The following CHRNA6 variants were observed in gnomAD, a reference collection of about 807,000 sequenced individuals.
The protein encoded by CHRNA6 is neuronal acetylcholine receptor subunit alpha-6.
In CHRNA6, 31 loss-of-function variants were observed where a neutral mutation model predicts 40.9. The observed-to-expected ratio is 0.76, with a 90% CI of 0.57 to 1.02. The LOEUF is 1.02. CHRNA6 is among the 50% of genes least tolerant of loss of function. CHRNA6 has a pLI of 0.00. For synonymous variants in CHRNA6, 222 were observed against 221.3 expected, an observed-to-expected ratio of 1.00 and a Z score of -0.03; for missense variants, 546 against 596.6, an observed-to-expected ratio of 0.92 and a Z score of 0.88.
At chr8:42,764,026 C>G (rs776375298) in intron 2 of CHRNA6, among the ~76,000 whole-genome samples, 1 of 152,140 alleles carries the variant, frequency 6.6e-6, no homozygotes, top group Non-Finnish European at 1.5e-5. Context: ...GTCCTGTAGT[C>G]TCAGGAATGC....
In CHRNA6 at chr8:42,760,433, C is replaced by T. The variant is rs531733441; in HGVS notation, c.220-1320G>A. Among the ~76,000 whole-genome samples, 183 of 150,996 alleles carry T rather than the reference C, an allele frequency of 1.2e-3. 1 individual carries two copies. Among genetic ancestry groups the T allele is most frequent in the Non-Finnish European group, 1.9e-3 (131 of 67,510 alleles). Reference sequence around the variant, plus strand: ...ACTCTTATACGTATACTCTCATACACACACTCGTACGTGTGCACTCACACT... The same window carrying T: ...ACTCTTATACGTATACTCTCATACATACACTCGTACGTGTGCACTCACACT... On this transcript the variant is annotated intron_variant, in intron 2 of 5. Coordinates refer to ENST00000276410, the MANE Select transcript of CHRNA6 (RefSeq NM_004198.3).
chr8:42,762,115 G>T (rs371540304), intron 2 of CHRNA6, among the ~76,000 whole-genome samples: 1 of 152,160 alleles, frequency 6.6e-6, no homozygotes, highest in African/African-American at 2.4e-5. Flanking sequence ...ATCAGACAGC[G>T]GGCCTTTTCC....
At chr8:42,764,481 C>T (rs1415637418) in intron 2 of CHRNA6, among the ~76,000 whole-genome samples, 1 of 152,106 alleles carries the variant, frequency 6.6e-6, no homozygotes, top group Non-Finnish European at 1.5e-5. Flanking sequence ...GCATGTGCCA[C>T]TACACCTGGC....
chr8:42,765,133 G>T lies in CHRNA6; in HGVS notation c.151C>A (p.Pro51Thr), dbSNP rs969485351. ...ACAGGGTCGGAAACGTTTTCCACAG[G>T]CCTGATGAACTGGTTGTAATGAGAA... The part of the protein sequence containing the change: ...LFSHYNQFIR[P>T]VENVSDPVTV... Residue 51 changes from proline to threonine, a missense_variant, in exon 2 of 6, where the codon CCT becomes ACT. Coordinates refer to ENST00000276410, the MANE Select transcript of CHRNA6 (RefSeq NM_004198.3). The T allele has an allele frequency of 4.3e-6, 7 of 1,614,114 alleles. No individual in the cohort carries two copies. Among genetic ancestry groups the T allele is most frequent in the Non-Finnish European group, 5.9e-6 (7 of 1,179,958 alleles).
At chr8:42,759,312 T>G (rs1816859988) in intron 2 of CHRNA6, 199 bp from the exon 3 acceptor site, 2 of 559,834 alleles carry the variant, frequency 3.6e-6, no homozygotes, top group African/African-American at 3.8e-5. Context: ...CTGTGGATTT[T>G]GAGAGGCAAT....
chr8:42,760,189 A>G (rs1168603285), intron 2 of CHRNA6, among the ~76,000 whole-genome samples: 1 of 152,316 alleles, frequency 6.6e-6, no homozygotes, highest in East Asian at 1.9e-4. Context: ...GGAATGGTCC[A>G]TGTGTGGACA....
intron 3 of CHRNA6, among the ~76,000 whole-genome samples, chr8:42,758,121 T>C (rs1005876384): frequency 7.2e-5 from 11 of 152,160 alleles, no homozygotes; most frequent in Non-Finnish European, 1.5e-5. Flanking sequence ...ATCTGGACAA[T>C]TATATCCATG....
At chr8:42,767,842 G>C (rs1343339945) in intron 1 of CHRNA6, among the ~76,000 whole-genome samples, 1 of 152,182 alleles carries the variant, frequency 6.6e-6, no homozygotes, top group African/African-American at 2.4e-5. Context: ...ATGTGATTTT[G>C]TTCAGCAGAA....
In CHRNA6 at chr8:42,768,619, C is replaced by T. The variant is rs1817004040; in HGVS notation, c.-189G>A. The T allele has an allele frequency of 2.0e-6, 1 of 495,336 alleles. No homozygotes were observed. The highest frequency in any genetic ancestry group is 3.4e-5 in the Admixed American group (1 of 29,724). 30.7% of individuals were successfully genotyped at this position (495,336 alleles called of 1,614,324 possible). On this transcript the variant is annotated 5_prime_UTR_variant, in exon 1 of 6. An upstream start codon of the reference 5' UTR is lost. Coordinates refer to ENST00000276410, the MANE Select transcript of CHRNA6 (RefSeq NM_004198.3). ...TACCAGGATCAGAGACTGAGGCAGA[C>T]ATGAAGGGCGAATAAAAAAGATTCG...
In CHRNA6 at chr8:42,756,455, G is replaced by T; in HGVS notation, c.744C>A (p.Ile248=). The change falls in exon 5 of 6, where the codon ATC becomes ATA. Residue 248 remains isoleucine (I), a synonymous_variant. Transcript: ENST00000276410. The part of the protein sequence containing the change: ...RLPMFYTINL[I]IPCLFISFLT... ...GAAATGAAATAAAGAGACAAGGGAT[G>T]ATCAGATTAATCGTGTAAAACATCG... 1 of 1,614,226 alleles carries T rather than the reference G, an allele frequency of 6.2e-7. No homozygotes were observed. The highest frequency in any genetic ancestry group is 8.5e-7 in the Non-Finnish European group (1 of 1,180,050).
At chr8:42,755,479 G>C (rs1323620569) in intron 5 of CHRNA6, among the ~76,000 whole-genome samples, 1 of 152,160 alleles carries the variant, frequency 6.6e-6, no homozygotes, top group African/African-American at 2.4e-5. Flanking sequence ...GTTTCCCCAT[G>C]TTGGCCATGC....
chr8:42,753,030 T>C lies in CHRNA6; in HGVS notation c.*149A>G. ...CACTGGAGGATATTCTGCTTCCTAA[T>C]GTGCAAGAAAGTCCTCTTTTTCCAT... On this transcript the variant is annotated 3_prime_UTR_variant, in exon 6 of 6. Transcript: ENST00000276410. 1.5e-6 allele frequency: 1 copy of C among 647,634 alleles called. No individual in the cohort carries two copies. The highest frequency in any genetic ancestry group is 2.6e-6 in the Non-Finnish European group (1 of 386,292). The allele number at this position is 647,634 out of a possible 1,614,324, so 40.1% of individuals were successfully genotyped here.
chr8:42,753,172 A>C lies in CHRNA6; in HGVS notation c.*7T>G, dbSNP rs759490347. Reference sequence around the variant, plus strand: ...TGTAAATTTCTGAACATAAAAGAAAATACATTTTAAGATTTTCCTGTGTTC... The same window carrying C: ...TGTAAATTTCTGAACATAAAAGAAACTACATTTTAAGATTTTCCTGTGTTC... On this transcript the variant is annotated 3_prime_UTR_variant, in exon 6 of 6. Transcript: ENST00000276410. The C allele has an allele frequency of 1.3e-6, 2 of 1,589,020 alleles. No homozygotes were observed. Among genetic ancestry groups the C allele is most frequent in the African/African-American group, 2.7e-5 (2 of 73,152 alleles).
chr8:42,760,448 G>A (rs966704367), intron 2 of CHRNA6, among the ~76,000 whole-genome samples: 1 of 143,356 alleles, frequency 7.0e-6, no homozygotes, highest in Non-Finnish European at 1.6e-5. Context: ...TCGTACGTGT[G>A]CACTCACACT....
At chr8:42,764,931 G>A in intron 2 of CHRNA6, 134 bp downstream of exon 2, 4 of 926,856 alleles carry the variant, frequency 4.3e-6, no homozygotes, top group Non-Finnish European at 6.4e-6. Context: ...AAAACTGCCT[G>A]CCTCCCAAAT....
intron 2 of CHRNA6, 26 bp from the exon 3 acceptor site, chr8:42,759,139 G>A: frequency 6.2e-7 from 1 of 1,600,066 alleles, no homozygotes; most frequent in Non-Finnish European, 8.6e-7. Context: ...AATACTTTTA[G>A]CCTCAAATGT....
At chr8:42,768,227 C>A in intron 1 of CHRNA6, 125 bp downstream of exon 1, 1 of 650,764 alleles carries the variant, frequency 1.5e-6, no homozygotes, top group South Asian at 2.5e-5. Context: ...GCAGTTGTAA[C>A]AGTGGTGGCT....
At chr8:42,762,678 AC>A (rs1816920346) in intron 2 of CHRNA6, among the ~76,000 whole-genome samples, 1 of 152,064 alleles carries the variant, frequency 6.6e-6, no homozygotes, top group South Asian at 2.1e-4. Context: ...CAAACAAAAA[AC>A]AAAGCACCCT....
chr8:42,768,496 C>G lies in CHRNA6; in HGVS notation c.-66G>C, dbSNP rs200256551. 8.3e-7 allele frequency: 1 copy of G among 1,200,920 alleles called. No homozygotes were observed. Among genetic ancestry groups the G allele is most frequent in the Non-Finnish European group, 1.2e-6 (1 of 806,174 alleles). 74.4% of individuals were successfully genotyped at this position (1,200,920 alleles called of 1,614,324 possible). On this transcript the variant is annotated 5_prime_UTR_variant, in exon 1 of 6. An upstream open reading frame in the 5' UTR loses its in-frame stop. Coordinates refer to ENST00000276410, the MANE Select transcript of CHRNA6 (RefSeq NM_004198.3). Reference sequence around the variant, plus strand: ...TTGTGGAAAACAAAGAGCTATCAGTCAGCCACATGCATCCAACCTTGACAT... The same window carrying G: ...TTGTGGAAAACAAAGAGCTATCAGTGAGCCACATGCATCCAACCTTGACAT...
Sources: allele counts gnomAD v4.1 joint callset (sites outside exome capture counted in the v4.1 genomes callset), GRCh38; gene constraint gnomAD v4.1.1; transcripts MANE v1.5; gene names NCBI Gene and HGNC (gene_info 2026-07-23, HGNC 2026-07-21).